Variants in PDCD7 observed in about 807,000 individuals in gnomAD.
PDCD7 encodes programmed cell death 7.
A neutral mutation model predicts 42.1 loss-of-function variants in PDCD7; 40 were observed. That is an observed-to-expected ratio of 0.95 (90% CI 0.74 to 1.24). PDCD7 has a LOEUF of 1.24. PDCD7 is among the 50% of genes most tolerant of loss of function. The pLI, the probability that PDCD7 is intolerant of heterozygous loss-of-function variation, is 0.00. For missense variants in PDCD7, 644 were observed against 662.8 expected, an observed-to-expected ratio of 0.97 and a Z score of 0.31; for synonymous variants, 299 against 303.3, an observed-to-expected ratio of 0.99 and a Z score of 0.15.
intron 2 of PDCD7, among the ~76,000 whole-genome samples, chr15:65,122,857 C>T (rs1290984643): frequency 6.6e-6 from 1 of 151,872 alleles, no homozygotes; most frequent in Non-Finnish European, 1.5e-5. Flanking sequence ...CAAAAATTAG[C>T]CGGGCGTGGT....
chr15:65,118,162 A>G lies in PDCD7; in HGVS notation c.*555T>C, dbSNP rs1161236786. 1 of 152,260 alleles carries G rather than the reference A, an allele frequency of 6.6e-6. No homozygotes were observed. Among genetic ancestry groups the G allele is most frequent in the Non-Finnish European group, 1.5e-5 (1 of 68,046 alleles). 9.4% of individuals were successfully genotyped at this position (152,260 alleles called of 1,614,324 possible). A position where few individuals can be genotyped will look rare whatever the true frequency, so the allele number is the denominator to read the frequency against. Reference sequence around the variant, plus strand: ...CATCTTTTCTGGCAACCCAGCCTACAGCCACTGCCATCTTCCTAACTAGCA... The same window carrying G: ...CATCTTTTCTGGCAACCCAGCCTACGGCCACTGCCATCTTCCTAACTAGCA... On this transcript the variant is annotated 3_prime_UTR_variant, in exon 5 of 5. Coordinates refer to ENST00000204549, the MANE Select transcript of PDCD7 (RefSeq NM_005707.2).
At chr15:65,130,190 C>G (rs1008701767) in intron 1 of PDCD7, among the ~76,000 whole-genome samples, 1 of 131,702 alleles carries the variant, frequency 7.6e-6, no homozygotes, top group Non-Finnish European at 1.6e-5. Context: ...GATGGAGTCT[C>G]GCTGTTGTCC....
chr15:65,128,891 T>C, intron 2 of PDCD7, 141 bp downstream of exon 2: 2 of 930,932 alleles, frequency 2.1e-6, no homozygotes, highest in South Asian at 3.2e-5. Context: ...AGTTCTGACC[T>C]ACTTGCTGAC....
At position 65,133,188 on chromosome 15, in the gene PDCD7, G is replaced by C; in HGVS notation, c.594C>G (p.Ala198=). 6.9e-7 allele frequency: 1 copy of C among 1,443,824 alleles called. No homozygotes were observed. Among genetic ancestry groups the C allele is most frequent in the Non-Finnish European group, 9.0e-7 (1 of 1,109,536 alleles). 89.4% of individuals were successfully genotyped at this position (1,443,824 alleles called of 1,614,324 possible). Residue 198 remains alanine (A), a synonymous_variant, in exon 1 of 5, where the codon GCC becomes GCG. Coordinates refer to ENST00000204549, the MANE Select transcript of PDCD7 (RefSeq NM_005707.2). ...LRGLSQALRE[A]EADGAAWVLL... ...GGACCCAGGCCGCGCCGTCGGCTTCGGCCTCGCGCAGGGCCTGGCTCAGGC... is the reference window on the plus strand; with the variant it reads ...GGACCCAGGCCGCGCCGTCGGCTTCCGCCTCGCGCAGGGCCTGGCTCAGGC...
At chr15:65,129,007 G>T (rs1181015087) in intron 2 of PDCD7, 25 bp downstream of exon 2, 1 of 1,613,356 alleles carries the variant, frequency 6.2e-7, no homozygotes, top group African/African-American at 1.3e-5. Context: ...AGGGAACAAG[G>T]AAAGAAATGC....
At position 65,133,378 on chromosome 15, in the gene PDCD7, TC is replaced by T; in HGVS notation, c.403del (p.Asp135MetfsTer57). 1 of 1,210,390 alleles carries T rather than the reference TC, an allele frequency of 8.3e-7. No individual in the cohort carries two copies. The highest frequency in any genetic ancestry group is 3.4e-5 in the East Asian group (1 of 29,098). The allele number at this position is 1,210,390 out of a possible 1,614,324, so 75.0% of individuals were successfully genotyped here. A position where few individuals can be genotyped will look rare whatever the true frequency, so the allele number is the denominator to read the frequency against. ...GTCGCGCAGGCGTTGGAGGGCCGCA[TC>T]CCCGAGCACGTCGGCCGGCGGCGGC... Reference protein sequence around the residue: ...APPPPADVLGDAALQRLRDRQ... With the variant: ...APPPPADVLGXAALQRLRDRQ... On this transcript the variant is annotated frameshift_variant, in exon 1 of 5. Transcript: ENST00000204549. LOFTEE classifies it high-confidence loss of function.
chr15:65,121,160 C>T (rs1432713951), intron 2 of PDCD7, among the ~76,000 whole-genome samples: 18 of 150,998 alleles, frequency 1.2e-4, no homozygotes, highest in African/African-American at 2.7e-4. Flanking sequence ...CGGGTTCAAG[C>T]GATTCTCCTG....
chr15:65,120,374 A>G (rs977013168), intron 2 of PDCD7, among the ~76,000 whole-genome samples: 3 of 151,920 alleles, frequency 2.0e-5, no homozygotes, highest in Non-Finnish European at 4.4e-5. Flanking sequence ...AGCTGGTCTT[A>G]AACTCCTGGT....
chr15:65,133,778 C>T lies in PDCD7; in HGVS notation c.4G>A (p.Ala2Thr). ...CCCTGGCCGAAGAATGGTGGCAGGGCCATGTTCACGACGGAGATGCTTTGA... is the reference window on the plus strand; with the variant it reads ...CCCTGGCCGAAGAATGGTGGCAGGGTCATGTTCACGACGGAGATGCTTTGA... Reference protein sequence around the residue: MALPPFFGQGRP... With the variant: MTLPPFFGQGRP... Residue 2 changes from alanine to threonine, a missense_variant, in exon 1 of 5, where the codon GCC (alanine) becomes ACC (threonine). Transcript: ENST00000204549. 7.4e-7 allele frequency: 1 copy of T among 1,357,838 alleles called. No homozygotes were observed. The highest frequency in any genetic ancestry group is 9.5e-7 in the Non-Finnish European group (1 of 1,053,622). The allele number at this position is 1,357,838 out of a possible 1,614,324, so 84.1% of individuals were successfully genotyped here.
At chr15:65,130,225 T>G (rs1214666870) in intron 1 of PDCD7, among the ~76,000 whole-genome samples, 1 of 145,282 alleles carries the variant, frequency 6.9e-6, no homozygotes, top group African/African-American at 2.6e-5. Context: ...TGGCGCGATC[T>G]CGGCTTACTG....
chr15:65,132,881 T>C (rs1472711200), intron 1 of PDCD7, 31 bp downstream of exon 1: 10 of 1,599,836 alleles, frequency 6.3e-6, no homozygotes, highest in Non-Finnish European at 8.5e-6. Context: ...CCACCACCAC[T>C]CCTACCCCCA....
intron 1 of PDCD7, among the ~76,000 whole-genome samples, chr15:65,132,165 T>C (rs541038822): frequency 6.6e-6 from 1 of 150,454 alleles, no homozygotes; most frequent in Admixed American, 6.6e-5. Context: ...CGAAACACCA[T>C]TGCTGAACCT....
intron 2 of PDCD7, among the ~76,000 whole-genome samples, chr15:65,120,340 G>T (rs914579703): frequency 1.4e-4 from 22 of 151,758 alleles, no homozygotes; most frequent in African/African-American, 5.3e-4. Context: ...TTTTTGTAGA[G>T]ACAGGGTATC....
At chr15:65,122,770 G>GA (rs1186824792) in intron 2 of PDCD7, among the ~76,000 whole-genome samples, 1 of 152,160 alleles carries the variant, frequency 6.6e-6, no homozygotes, top group East Asian at 1.9e-4. Context: ...TTGGGAGGCT[G>GA]AGACGGGTGG....
At chr15:65,121,868 A>G (rs2087457443) in intron 2 of PDCD7, among the ~76,000 whole-genome samples, 1 of 152,214 alleles carries the variant, frequency 6.6e-6, no homozygotes, top group Non-Finnish European at 1.5e-5. Context: ...ATAAGAAAAA[A>G]AGATTTTAAC....
At chr15:65,127,324 G>A (rs1369509040) in intron 2 of PDCD7, among the ~76,000 whole-genome samples, 2 of 152,036 alleles carry the variant, frequency 1.3e-5, no homozygotes, top group Admixed American at 6.6e-5. Flanking sequence ...GGGCGCGGTG[G>A]TGGGCGCCTG....
In PDCD7 at chr15:65,133,344, C is replaced by CGGTCGCG; in HGVS notation, c.437_438insCGCGACC (p.Trp146CysfsTer132). 2 of 1,254,234 alleles carry CGGTCGCG rather than the reference C, an allele frequency of 1.6e-6. No individual in the cohort carries two copies. The allele number at this position is 1,254,234 out of a possible 1,614,324, so 77.7% of individuals were successfully genotyped here. The stretch of plus-strand genomic sequence containing the variant: ...GCGGGGTCCCGAACACCGCCTCCAG[C>CGGTCGCG]CACTGCCGGTCGCGCAGGCGTTGGA... On this transcript the variant is annotated frameshift_variant, in exon 1 of 5. Transcript: ENST00000204549. LOFTEE classifies it high-confidence loss of function.
Position 65,133,202 on chromosome 15 carries a change from C to G in PDCD7, c.580G>C (p.Ala194Pro). ...CCGTCGGCTTCGGCCTCGCGCAGGG[C>G]CTGGCTCAGGCCGCGCAGCCGCCGC... The part of the protein sequence containing the change: ...LVRRLRGLSQ[A>P]LREAEADGAA... Residue 194 changes from alanine to proline, a missense_variant, in exon 1 of 5, where the codon GCC becomes CCC. By Grantham distance (27) the Ala-to-Pro change is conservative. Transcript: ENST00000204549. 7.1e-7 allele frequency: 1 copy of G among 1,414,924 alleles called. No homozygotes were observed. The highest frequency in any genetic ancestry group is 1.5e-5 in the South Asian group (1 of 66,182). 87.6% of individuals were successfully genotyped at this position (1,414,924 alleles called of 1,614,324 possible). A position where few individuals can be genotyped will look rare whatever the true frequency, so the allele number is the denominator to read the frequency against.
intron 1 of PDCD7, among the ~76,000 whole-genome samples, chr15:65,132,099 T>C (rs370850196): frequency 9.2e-6 from 1 of 109,240 alleles, no homozygotes; most frequent in East Asian, 2.9e-4. Flanking sequence ...TACATATATG[T>C]ATGTGTATAT....
Sources: allele counts gnomAD v4.1 joint callset (sites outside exome capture counted in the v4.1 genomes callset), GRCh38; gene constraint gnomAD v4.1.1; transcripts MANE v1.5; gene names NCBI Gene and HGNC (gene_info 2026-07-23, HGNC 2026-07-21).